USB1: variants seen among roughly 807,000 people sequenced by gnomAD.
The protein encoded by USB1 is U6 snRNA biogenesis phosphodiesterase 1.
USB1 carries 21 observed loss-of-function variants against 29.9 expected under a neutral mutation model. That is an observed-to-expected ratio of 0.70 (90% CI 0.50 to 1.01). The LOEUF (loss-of-function observed/expected upper bound fraction) is 1.01. USB1 is among the 50% of genes least tolerant of loss of function. USB1 has a pLI of 0.00. For synonymous variants in USB1, 143 were observed against 134.9 expected (o/e 1.06, Z -0.42); for missense variants, 330 against 347.1 (o/e 0.95, Z 0.39).
chr16:58,021,313 G>C lies in USB1; in HGVS notation c.*1068G>C, dbSNP rs1963734947. 2 of 152,254 alleles carry C rather than the reference G, an allele frequency of 1.3e-5. No homozygotes were observed. The highest frequency in any genetic ancestry group is 4.1e-4 in the South Asian group (2 of 4,834). The allele number at this position is 152,254 out of a possible 1,614,324, so 9.4% of individuals were successfully genotyped here. On this transcript the variant is annotated 3_prime_UTR_variant, in exon 7 of 7. Coordinates refer to ENST00000219281, the MANE Select transcript of USB1 (RefSeq NM_024598.4). ...ATTTTGGCCTGGCCAGTGGCTGAAA[G>C]CCAGGCCTCCAATGCACTGTGACCT... is the stretch of plus-strand genomic sequence containing the variant.
rs1963713965 is a variant in USB1 at position 58,020,519 on chromosome 16, CTCTT to C, written c.*275_*278del. The stretch of plus-strand genomic sequence containing the variant: ...TCTCTTCTCTCTTCCTCTCCTCTCT[CTCTT>C]CCTCTTCTCTCTCTTCCCCTCCTGT... On this transcript the variant is annotated 3_prime_UTR_variant, in exon 7 of 7. Transcript: ENST00000219281. 5 of 501,118 alleles carry C rather than the reference CTCTT, an allele frequency of 1.0e-5. No individual in the cohort carries two copies. The highest frequency in any genetic ancestry group is 1.8e-5 in the Non-Finnish European group (5 of 276,462). The allele number at this position is 501,118 out of a possible 1,614,324, so 31.0% of individuals were successfully genotyped here. A position where few individuals can be genotyped will look rare whatever the true frequency, so the allele number is the denominator to read the frequency against.
In USB1 at chr16:58,021,101, A is replaced by G. The variant is rs1013984035; in HGVS notation, c.*856A>G. On this transcript the variant is annotated 3_prime_UTR_variant, in exon 7 of 7. Transcript: ENST00000219281. Reference sequence around the variant, plus strand: ...CACGGGGTGCTTCAGTGGGTCTGTCACCCTCTCTCCTTGAAGCATGTTGCT... The same window carrying G: ...CACGGGGTGCTTCAGTGGGTCTGTCGCCCTCTCTCCTTGAAGCATGTTGCT... The G allele has an allele frequency of 1.3e-4, 20 of 151,902 alleles. No homozygotes were observed. Among genetic ancestry groups the G allele is most frequent in the African/African-American group, 4.8e-4 (20 of 41,310 alleles). The allele number at this position is 151,902 out of a possible 1,614,324, so 9.4% of individuals were successfully genotyped here. A position where few individuals can be genotyped will look rare whatever the true frequency, so the allele number is the denominator to read the frequency against.
chr16:58,004,563 A>C (rs1473383967), intron 2 of USB1, among the ~76,000 whole-genome samples: 1 of 152,176 alleles, frequency 6.6e-6, no homozygotes, highest in East Asian at 1.9e-4. Context: ...TACAGGGATG[A>C]GCCACAGCAC....
intron 2 of USB1, among the ~76,000 whole-genome samples, chr16:58,004,866 A>T (rs1963314328): frequency 6.6e-6 from 1 of 152,218 alleles, no homozygotes; most frequent in Non-Finnish European, 1.5e-5. Context: ...CCGGGGGACC[A>T]CTACTACCAA....
At chr16:58,007,778 A>G (rs967031797) in intron 2 of USB1, among the ~76,000 whole-genome samples, 2 of 152,128 alleles carry the variant, frequency 1.3e-5, no homozygotes, top group African/African-American at 4.8e-5. Flanking sequence ...CCTGAGTTTG[A>G]GACCAGCCTG....
At chr16:58,000,149 G>C (rs969813008), upstream of USB1, among the ~76,000 whole-genome samples, 1 of 152,126 alleles carries the variant, frequency 6.6e-6, no homozygotes, top group Non-Finnish European at 1.5e-5. The surrounding 1 kb of genome is among the most constrained non-coding windows in gnomAD (Gnocchi z 4.5). Flanking sequence ...GTCAGCCCTC[G>C]TCCGGGATGG....
intron 2 of USB1, among the ~76,000 whole-genome samples, chr16:58,005,073 C>A (rs1052825534): frequency 6.6e-6 from 1 of 152,196 alleles, no homozygotes; most frequent in Non-Finnish European, 1.5e-5. Context: ...GGACAGCTTA[C>A]ACCATTATTT....
rs914167381 is a variant in USB1, at chr16:58,020,238, T to C, written c.791T>C (p.Leu264Ser). 1.2e-6 allele frequency: 2 copies of C among 1,614,130 alleles called. No individual in the cohort carries two copies. The highest frequency in any genetic ancestry group is 1.7e-6 in the Non-Finnish European group (2 of 1,179,980). ...GGGAACAAGTTCTTCTCGATGCCTTTGAAGTGAGCACCAGAGGCCTTCCTC... is the reference window on the plus strand; with the variant it reads ...GGGAACAAGTTCTTCTCGATGCCTTCGAAGTGAGCACCAGAGGCCTTCCTC... Reference protein sequence around the residue: ...KSGNKFFSMPLK With the variant: ...KSGNKFFSMPSK Residue 264 changes from leucine to serine, a missense_variant, in exon 7 of 7, where the codon TTG becomes TCG. Coordinates refer to ENST00000219281, the MANE Select transcript of USB1 (RefSeq NM_024598.4).
chr16:58,014,028 T>A (rs1243587320), intron 3 of USB1: 2 of 512,104 alleles, frequency 3.9e-6, no homozygotes, highest in Non-Finnish European at 7.0e-6. Context: ...AATGAACTGC[T>A]ATTAACAAAG....
intron 1 of USB1, 150 bp from the exon 2 acceptor site, chr16:58,002,329 A>G: frequency 7.9e-7 from 1 of 1,260,306 alleles, no homozygotes; most frequent in African/African-American, 1.5e-5. Flanking sequence ...TGGAGAAACA[A>G]TTTCGCTATC....
At chr16:58,003,338 G>C (rs1274412226) in intron 2 of USB1, among the ~76,000 whole-genome samples, 1 of 152,184 alleles carries the variant, frequency 6.6e-6, no homozygotes, top group African/African-American at 2.4e-5. Context: ...GAGGTAGGCG[G>C]ATTGACTGAC....
chr16:58,017,100 A>G (rs1276481712), intron 4 of USB1: 2 of 547,106 alleles, frequency 3.7e-6, no homozygotes, highest in Non-Finnish European at 6.6e-6. Flanking sequence ...GGGTTATTAG[A>G]TCCAGAGAAG....
chr16:58,003,315 T>A (rs911218106), intron 2 of USB1, among the ~76,000 whole-genome samples: 1 of 152,118 alleles, frequency 6.6e-6, no homozygotes, highest in Non-Finnish European at 1.5e-5. Context: ...TGGTTCCCAC[T>A]ACTTGAGAGG....
intron 2 of USB1, among the ~76,000 whole-genome samples, chr16:58,006,628 C>T (rs1191871184): frequency 1.3e-5 from 2 of 152,112 alleles, no homozygotes; most frequent in Admixed American, 6.5e-5. Flanking sequence ...CACTGCACTC[C>T]AGCCTGGGCA....
chr16:58,004,067 A>G (rs1963297133), intron 2 of USB1, among the ~76,000 whole-genome samples: 2 of 152,204 alleles, frequency 1.3e-5, no homozygotes, highest in African/African-American at 4.8e-5. Context: ...TCTTTCAGGA[A>G]TCTTACAGTT....
In USB1 at chr16:58,013,314, C is replaced by T; in HGVS notation, c.450-959C>T. The T allele has an allele frequency of 1.0e-6, 1 of 985,468 alleles. No individual in the cohort carries two copies. Among genetic ancestry groups the T allele is most frequent in the Non-Finnish European group, 1.2e-6 (1 of 829,950 alleles). 61.0% of individuals were successfully genotyped at this position (985,468 alleles called of 1,614,324 possible). ...ACTCTTCCTAAAAGCTGCACTTAACCAAGCTCCTGGTGGTTCTGTGATCCC... is the reference window on the plus strand; with the variant it reads ...ACTCTTCCTAAAAGCTGCACTTAACTAAGCTCCTGGTGGTTCTGTGATCCC... On this transcript the variant is annotated intron_variant, in intron 3 of 6. Transcript: ENST00000219281. This position sits in a 1 kb window ranked among gnomAD's most constrained non-coding sequence, Gnocchi z 4.3.
rs1963730104 is a variant in USB1 at position 58,021,030 on chromosome 16, G to A, written c.*785G>A. ...TTGATGCCATTGGCCTCAGATCAGAGTGTTTTAAATCATCACGCCCTGGCT... is the reference window on the plus strand; with the variant it reads ...TTGATGCCATTGGCCTCAGATCAGAATGTTTTAAATCATCACGCCCTGGCT... On this transcript the variant is annotated 3_prime_UTR_variant, in exon 7 of 7. Coordinates refer to ENST00000219281, the MANE Select transcript of USB1 (RefSeq NM_024598.4). 6.5e-6 allele frequency: 1 copy of A among 152,910 alleles called. No homozygotes were observed. 9.5% of individuals were successfully genotyped at this position (152,910 alleles called of 1,614,324 possible). A position where few individuals can be genotyped will look rare whatever the true frequency, so the allele number is the denominator to read the frequency against.
intron 2 of USB1, among the ~76,000 whole-genome samples, chr16:58,003,297 C>T (rs2142292361): frequency 6.6e-6 from 1 of 152,240 alleles, no homozygotes; most frequent in East Asian, 1.9e-4. Context: ...TGTGGTGGCA[C>T]ACGCCTATGG....
rs560414619 is a variant in USB1, at chr16:58,002,952, A to G, written c.265+307A>G. On this transcript the variant is annotated intron_variant, in intron 2 of 6. Transcript: ENST00000219281. ...GGTCATGCCAGGCACTTTATTTCTG[A>G]GAGGGCCCTGGGTACGCTGGGTGTG... Among the ~76,000 whole-genome samples the G allele has an allele frequency of 3.3e-5, 5 of 152,250 alleles. No homozygotes were observed. In the South Asian group the frequency reaches 8.3e-4, roughly 25 times the overall value.
Sources: gnomAD v4.1 joint callset for allele counts (sites outside exome capture counted in the v4.1 genomes callset) on GRCh38, gnomAD v4.1.1 for gene constraint, Gnocchi (gnomAD v3.1) non-coding constraint, MANE v1.5 for transcripts, NCBI Gene and HGNC (gene_info 2026-07-23, HGNC 2026-07-21) for gene names.